Variants in SLC7A1 observed in about 807,000 individuals in gnomAD.
SLC7A1 encodes high affinity cationic amino acid transporter 1.
A neutral mutation model predicts 53.9 loss-of-function variants in SLC7A1; 10 were observed. That is an observed-to-expected ratio of 0.19 (90% CI 0.11 to 0.31). The LOEUF (loss-of-function observed/expected upper bound fraction) is 0.31. Among genes scored for constraint, SLC7A1 ranks in the 10% least tolerant of loss-of-function variants. The pLI, the probability that SLC7A1 is intolerant of heterozygous loss-of-function variation, is 1.00. For missense variants in SLC7A1, 525 were observed against 827.2 expected, an observed-to-expected ratio of 0.63 and a Z score of 4.48; for synonymous variants, 342 against 338.7, an observed-to-expected ratio of 1.01 and a Z score of -0.11.
intron 1 of SLC7A1, among the ~76,000 whole-genome samples, chr13:29,559,972 C>G (rs773789056): frequency 6.6e-6 from 1 of 152,174 alleles, no homozygotes; most frequent in Non-Finnish European, 1.5e-5. Flanking sequence ...GCCTCGGCCT[C>G]CCAAAGTGCT....
In SLC7A1 at chr13:29,517,241, C is replaced by A; in HGVS notation, c.1580G>T (p.Trp527Leu). 6.2e-7 allele frequency: 1 copy of A among 1,613,410 alleles called. No individual in the cohort carries two copies. The highest frequency in any genetic ancestry group is 8.5e-7 in the Non-Finnish European group (1 of 1,179,730). Reference protein sequence around the residue: ...GREALTKGALWAVFLLAGSAL... With the variant: ...GREALTKGALLAVFLLAGSAL... Reference sequence around the variant, plus strand: ...AGACCCTGCGAGCAGAAAGACTGCCCACAGCGCCCCTTTGGTGAGAGCCTC... The same window carrying A: ...AGACCCTGCGAGCAGAAAGACTGCCAACAGCGCCCCTTTGGTGAGAGCCTC... The change falls in exon 11 of 13, where the codon TGG (tryptophan) becomes TTG (leucine). Residue 527 changes from tryptophan to leucine, a missense_variant. By Grantham distance (61) the Trp-to-Leu change is moderately conservative. Coordinates refer to ENST00000380752, the MANE Select transcript of SLC7A1 (RefSeq NM_003045.5).
chr13:29,544,266 A>G (rs1371582659), intron 2 of SLC7A1, among the ~76,000 whole-genome samples: 1 of 152,176 alleles, frequency 6.6e-6, no homozygotes, highest in African/African-American at 2.4e-5. Context: ...TATAATACCA[A>G]TGAGTACGTA....
At chr13:29,556,851 C>T (rs1330709377) in intron 1 of SLC7A1, among the ~76,000 whole-genome samples, 1 of 152,222 alleles carries the variant, frequency 6.6e-6, no homozygotes, top group Non-Finnish European at 1.5e-5. Context: ...TTAATATATG[C>T]TCAACAGGAA....
intron 1 of SLC7A1, among the ~76,000 whole-genome samples, chr13:29,589,316 C>T (rs557117409): frequency 8.5e-5 from 13 of 152,240 alleles, no homozygotes; most frequent in Non-Finnish European, 1.8e-4. Flanking sequence ...AGGGGTCTCC[C>T]CAGGTGGAGA....
chr13:29,590,768 C>T (rs765056094), intron 1 of SLC7A1, among the ~76,000 whole-genome samples: 3 of 152,106 alleles, frequency 2.0e-5, no homozygotes, highest in Non-Finnish European at 4.4e-5. Flanking sequence ...CATTTTAATG[C>T]CTTGGTAAAA....
At chr13:29,537,119 C>T (rs115295782) in intron 2 of SLC7A1, among the ~76,000 whole-genome samples, 1,761 of 152,284 alleles carry the variant, frequency 0.012, 27 homozygotes, top group African/African-American at 0.039. Context: ...GGGAGCTTTG[C>T]TCCCCACATC....
intron 5 of SLC7A1, 39 bp downstream of exon 5, chr13:29,530,499 A>C (rs1413820518): frequency 1.9e-6 from 3 of 1,592,136 alleles, no homozygotes; most frequent in South Asian, 2.2e-5. Flanking sequence ...TATGTCATTA[A>C]ATGTCAACTA....
chr13:29,516,888 G>C, intron 11 of SLC7A1: 4 of 417,452 alleles, frequency 9.6e-6, no homozygotes, highest in Non-Finnish European at 1.7e-5. Context: ...GTCTCTCTTG[G>C]CCTGTGTCAT....
Position 29,553,812 on chromosome 13 carries a change from T to A in SLC7A1, c.-66A>T, listed in dbSNP as rs915499721. On this transcript the variant is annotated 5_prime_UTR_variant, in exon 2 of 13. Coordinates refer to ENST00000380752, the MANE Select transcript of SLC7A1 (RefSeq NM_003045.5). ...CCTTCTCACCAGAGGACAGCCTCGATCTTGCAGCAAAGATGTCTCAGGAGG... is the reference window on the plus strand; with the variant it reads ...CCTTCTCACCAGAGGACAGCCTCGAACTTGCAGCAAAGATGTCTCAGGAGG... 3 of 152,312 alleles carry A rather than the reference T, an allele frequency of 2.0e-5. No individual in the cohort carries two copies. The highest frequency in any genetic ancestry group is 3.4e-3 in the Middle Eastern group (1 of 294). The allele number at this position is 152,312 out of a possible 1,614,324, so 9.4% of individuals were successfully genotyped here.
chr13:29,522,133 C>T (rs1233163952), intron 8 of SLC7A1, among the ~76,000 whole-genome samples, 184 bp downstream of exon 8: 2 of 152,204 alleles, frequency 1.3e-5, no homozygotes, highest in African/African-American at 2.4e-5. Flanking sequence ...CTCTGTCAAA[C>T]GGGCCTCTGC....
intron 1 of SLC7A1, among the ~76,000 whole-genome samples, chr13:29,582,932 A>G (rs1871710111): frequency 6.6e-6 from 1 of 152,248 alleles, no homozygotes; most frequent in Non-Finnish European, 1.5e-5. Context: ...ATAGCAATGA[A>G]GGAGTAACAG....
intron 2 of SLC7A1, among the ~76,000 whole-genome samples, chr13:29,545,340 C>T (rs900561436): frequency 2.6e-5 from 4 of 152,172 alleles, no homozygotes; most frequent in African/African-American, 9.7e-5. Flanking sequence ...ATCAGACTAT[C>T]GCCCCCATGC....
chr13:29,538,542 C>T (rs2989595), intron 2 of SLC7A1, among the ~76,000 whole-genome samples: 3,371 of 152,232 alleles, frequency 0.022, 131 homozygotes, highest in African/African-American at 0.077. Context: ...TGAGAGCCTC[C>T]GAGTGGCACT....
intron 2 of SLC7A1, among the ~76,000 whole-genome samples, 156 bp downstream of exon 2, chr13:29,553,605 C>T (rs545114400): frequency 1.3e-5 from 2 of 152,296 alleles, no homozygotes; most frequent in African/African-American, 4.8e-5. Flanking sequence ...TGAAAAATTA[C>T]AGCATTTGGA....
chr13:29,543,994 G>C, intron 2 of SLC7A1, among the ~76,000 whole-genome samples: 1 of 152,308 alleles, frequency 6.6e-6, no homozygotes, highest in Non-Finnish European at 1.5e-5. Flanking sequence ...AGAGGCCCCA[G>C]TGCAGGCATG....
At chr13:29,519,329 C>G in intron 9 of SLC7A1, 118 bp downstream of exon 9, 1 of 615,536 alleles carries the variant, frequency 1.6e-6, no homozygotes, top group Non-Finnish European at 2.9e-6. Flanking sequence ...TGGCAGCTCC[C>G]AATGGAGCTA....
intron 1 of SLC7A1, among the ~76,000 whole-genome samples, chr13:29,591,917 G>A (rs956056712): frequency 2.0e-5 from 3 of 152,164 alleles, no homozygotes; most frequent in African/African-American, 7.2e-5. Context: ...GTAAATGCAT[G>A]GACTTGGTGC....
Position 29,516,147 on chromosome 13 carries a change from T to A in SLC7A1, c.1777A>T (p.Met593Leu). ...CAGCAGCATCACATACCTATCAGCA[T>A]CCACACAGCAAACCGGACCCAGGTG... ...QGTWVRFAVW[M>L]LIGFIIYFGY... The change falls in exon 12 of 13, where the codon ATG (methionine) becomes TTG (leucine). Residue 593 changes from methionine to leucine, a missense_variant. Physicochemically the swap from Met to Leu is conservative, Grantham distance 15. Transcript: ENST00000380752. 1 of 1,609,398 alleles carries A rather than the reference T, an allele frequency of 6.2e-7. No homozygotes were observed. The highest frequency in any genetic ancestry group is 1.1e-5 in the South Asian group (1 of 90,732).
chr13:29,524,296 G>C lies in SLC7A1; in HGVS notation c.705-43C>G, dbSNP rs370245788. 13 of 1,612,452 alleles carry C rather than the reference G, an allele frequency of 8.1e-6. No individual in the cohort carries two copies. The African/African-American group carries it at 1.7e-4, about 22-fold the overall frequency. On this transcript the variant is annotated intron_variant, in intron 5 of 12. Coordinates refer to ENST00000380752, the MANE Select transcript of SLC7A1 (RefSeq NM_003045.5). The stretch of plus-strand genomic sequence containing the variant: ...AAACAAATGTCACGTCACTCGCTGC[G>C]CAGTCTGGCGTAAGGAGCTGTGCTC...
Sources: allele counts gnomAD v4.1 joint callset (sites outside exome capture counted in the v4.1 genomes callset), GRCh38; gene constraint gnomAD v4.1.1; transcripts MANE v1.5; gene names NCBI Gene and HGNC (gene_info 2026-07-23, HGNC 2026-07-21).